The following KDM4C variants were observed in gnomAD, a reference collection of about 807,000 sequenced individuals.
The protein encoded by KDM4C is lysine demethylase 4C.
A neutral mutation model predicts 129.3 loss-of-function variants in KDM4C; 81 were observed. That is an observed-to-expected ratio of 0.63 (90% CI 0.52 to 0.75). The LOEUF (loss-of-function observed/expected upper bound fraction) is 0.75. Among genes scored for constraint, KDM4C ranks in the 30% least tolerant of loss-of-function variants. The pLI is 0.00. For missense variants in KDM4C, 1,457 were observed against 1,304.0 expected (o/e 1.12, Z -1.81); for synonymous variants, 573 against 456.1 (o/e 1.26, Z -3.26).
rs562726943 is a variant in KDM4C, at chr9:6,805,819, T to G, written c.320+45T>G. The stretch of plus-strand genomic sequence containing the variant: ...TATTTCTGTTTCCTTCAAAGATTTA[T>G]GTAAATATGTTAAGAAACAAAGTAG... On this transcript the variant is annotated intron_variant, in intron 3 of 21. Transcript: ENST00000381309. The G allele has an allele frequency of 4.2e-5, 65 of 1,542,390 alleles. No homozygotes were observed. In the South Asian group the frequency reaches 7.7e-4, roughly 18 times the overall value.
In KDM4C at chr9:7,065,222, T is replaced by C. The variant is rs147928016; in HGVS notation, c.2424+16022T>C. 1.8e-3 allele frequency among the ~76,000 whole-genome samples: 267 copies of C among 152,320 alleles called. 1 individual carries two copies. The highest frequency in any genetic ancestry group is 6.7e-3 in the Admixed American group (102 of 15,296). ...GAAGTCTTCTTTTCACTAATAGTTT[T>C]CTGAAATGAAACTTCCTTAAAACAA... On this transcript the variant is annotated intron_variant, in intron 17 of 21. Transcript: ENST00000381309.
intron 17 of KDM4C, among the ~76,000 whole-genome samples, chr9:7,052,981 C>T (rs891919884): frequency 2.1e-4 from 30 of 146,244 alleles, no homozygotes; most frequent in African/African-American, 7.8e-4. Context: ...TTCCAAAGGA[C>T]AGTTTTTTAG....
intron 8 of KDM4C, among the ~76,000 whole-genome samples, chr9:6,950,622 T>G (rs1457476655): frequency 2.6e-5 from 4 of 152,238 alleles, no homozygotes; most frequent in Non-Finnish European, 5.9e-5. Context: ...TGTATTCTGT[T>G]TATTAATACT....
intron 1 of KDM4C, among the ~76,000 whole-genome samples, chr9:6,778,017 C>G (rs1268084109): frequency 6.7e-6 from 1 of 150,364 alleles, no homozygotes; most frequent in Non-Finnish European, 1.5e-5. Context: ...AACTCTTGGA[C>G]TCAGGGAATC....
chr9:6,767,013 G>T (rs1820760610), intron 1 of KDM4C, among the ~76,000 whole-genome samples: 1 of 152,062 alleles, frequency 6.6e-6, no homozygotes, highest in Non-Finnish European at 1.5e-5. Flanking sequence ...ATTCTGTTCT[G>T]TTCTGAGAGT....
intron 4 of KDM4C, among the ~76,000 whole-genome samples, chr9:6,824,769 G>A (rs1450015224): frequency 6.6e-6 from 1 of 151,866 alleles, no homozygotes; most frequent in Non-Finnish European, 1.5e-5. Flanking sequence ...AAAAGAAAAG[G>A]TGACTGTATT....
intron 1 of KDM4C, among the ~76,000 whole-genome samples, chr9:6,788,615 T>C (rs1165011628): frequency 6.6e-6 from 1 of 152,246 alleles, no homozygotes; most frequent in African/African-American, 2.4e-5. Flanking sequence ...ACTCCTTCAT[T>C]CAGCTGGCAA....
chr9:6,722,255 A>G (rs1816979876), intron 1 of KDM4C, among the ~76,000 whole-genome samples: 1 of 152,130 alleles, frequency 6.6e-6, no homozygotes, highest in Non-Finnish European at 1.5e-5. Flanking sequence ...TTCTTGCCTA[A>G]GCAGTGAATT....
chr9:6,922,807 T>G (rs1392131501), intron 8 of KDM4C, among the ~76,000 whole-genome samples: 1 of 152,238 alleles, frequency 6.6e-6, no homozygotes, highest in African/African-American at 2.4e-5. Flanking sequence ...CAAATGTCAC[T>G]AAGTTTCTTT....
At chr9:6,877,650 A>G (rs1843769416) in intron 5 of KDM4C, among the ~76,000 whole-genome samples, 1 of 152,254 alleles carries the variant, frequency 6.6e-6, no homozygotes, top group African/African-American at 2.4e-5. Flanking sequence ...GGGGTTGTCA[A>G]GATGGTACAT....
intron 1 of KDM4C, among the ~76,000 whole-genome samples, chr9:6,731,632 A>G (rs62566476): frequency 0.086 from 13,133 of 152,014 alleles, 741 homozygotes; most frequent in Non-Finnish European, 0.12. Flanking sequence ...GCGCCCGGCC[A>G]AGCAACTCCA....
chr9:6,998,896 A>G (rs1265298385), intron 12 of KDM4C, among the ~76,000 whole-genome samples: 1 of 152,218 alleles, frequency 6.6e-6, no homozygotes, highest in Non-Finnish European at 1.5e-5. Context: ...TTTTCCCAGG[A>G]CTAGAGCTGC....
At chr9:6,735,147 C>T (rs1453092990) in intron 1 of KDM4C, 3 of 236,192 alleles carry the variant, frequency 1.3e-5, no homozygotes, top group Non-Finnish European at 1.7e-5. Context: ...CACCTGTCCC[C>T]GCCCCCACCC....
At position 6,769,769 on chromosome 9, in the gene KDM4C, A is replaced by G. The variant is rs539978232; in HGVS notation, c.-18+11566A>G. On this transcript the variant is annotated intron_variant, in intron 1 of 21. Transcript: ENST00000381309. ...GAGCAAGCACATGGAGAAAGGGTCA[A>G]TGGACACATTTGTTTTGCTGTTTAA... Among the ~76,000 whole-genome samples, 7 of 152,366 alleles carry G rather than the reference A, an allele frequency of 4.6e-5. No homozygotes were observed. In the East Asian group the frequency reaches 5.8e-4, roughly 13 times the overall value.
intron 17 of KDM4C, chr9:7,076,357 A>G: frequency 2.0e-6 from 2 of 1,010,476 alleles, no homozygotes; most frequent in Non-Finnish European, 3.1e-6. Flanking sequence ...GTCTCATGCT[A>G]AAGCCCATGC....
chr9:6,864,700 A>G (rs1008126719), intron 5 of KDM4C, among the ~76,000 whole-genome samples: 8 of 150,318 alleles, frequency 5.3e-5, no homozygotes, highest in African/African-American at 2.0e-4. Context: ...TTCTGTTGTT[A>G]TTTCTTTGAG....
At chr9:7,061,754 T>C (rs1831704826) in intron 17 of KDM4C, among the ~76,000 whole-genome samples, 1 of 152,252 alleles carries the variant, frequency 6.6e-6, no homozygotes, top group Admixed American at 6.5e-5. Context: ...GACCCTCTTT[T>C]ACTGGCTCTG....
At chr9:7,013,382 C>T (rs1273330550) in intron 13 of KDM4C, among the ~76,000 whole-genome samples, 2 of 152,180 alleles carry the variant, frequency 1.3e-5, no homozygotes, top group African/African-American at 4.8e-5. Context: ...TCTCTTAATA[C>T]TGCTGCACAG....
intron 4 of KDM4C, among the ~76,000 whole-genome samples, chr9:6,818,601 G>C (rs954841769): frequency 1.3e-5 from 2 of 152,210 alleles, no homozygotes; most frequent in Non-Finnish European, 2.9e-5. Context: ...GAAAACATTT[G>C]TGTGGGTCCC....
Sources: gnomAD v4.1 joint callset for allele counts (sites outside exome capture counted in the v4.1 genomes callset) on GRCh38, gnomAD v4.1.1 for gene constraint, MANE v1.5 for transcripts, NCBI Gene and HGNC (gene_info 2026-07-23, HGNC 2026-07-21) for gene names.